DLG2: variants seen among roughly 807,000 people sequenced by gnomAD.
DLG2 encodes the protein discs large MAGUK scaffold protein 2.
Under a neutral mutation model 132.5 loss-of-function variants are expected in DLG2, and 45 were observed. The ratio of observed to expected loss-of-function variants is 0.34; its 90% CI spans 0.27 to 0.44. The LOEUF is 0.44. Among genes scored for constraint, DLG2 ranks in the 20% least tolerant of loss-of-function variants. The pLI, the probability that DLG2 is intolerant of heterozygous loss-of-function variation, is 1.00. For missense variants in DLG2, 1,045 were observed against 1,196.9 expected (o/e 0.87, Z 1.87); for synonymous variants, 424 against 419.6 (o/e 1.01, Z -0.13).
At chr11:85,559,825 TAGATAGA>T (rs1417557106) in intron 3 of DLG2, among the ~76,000 whole-genome samples, 7 of 121,528 alleles carry the variant, frequency 5.8e-5, no homozygotes, top group Non-Finnish European at 1.3e-4. Context: ...GATTGATAGA[TAGATAGA>T]TAGATAGATA....
At chr11:84,595,003 C>A (rs1380762054) in intron 6 of DLG2, among the ~76,000 whole-genome samples, 3 of 152,192 alleles carry the variant, frequency 2.0e-5, no homozygotes, top group Non-Finnish European at 4.4e-5. Flanking sequence ...ACCTTTCATG[C>A]AAAAAGTAGA....
At chr11:83,808,807 C>A (rs2046551670) in intron 17 of DLG2, among the ~76,000 whole-genome samples, 1 of 152,062 alleles carries the variant, frequency 6.6e-6, no homozygotes, top group Non-Finnish European at 1.5e-5. Context: ...AAGGTGTGGT[C>A]CCTTGATTCT....
At chr11:85,095,959 A>G (rs922209396) in intron 6 of DLG2, among the ~76,000 whole-genome samples, 2 of 152,226 alleles carry the variant, frequency 1.3e-5, no homozygotes, top group Non-Finnish European at 2.9e-5. Context: ...GGGGACTTGG[A>G]GAACCTTCGT....
chr11:85,210,975 C>G (rs1388659209), intron 4 of DLG2, among the ~76,000 whole-genome samples: 1 of 151,894 alleles, frequency 6.6e-6, no homozygotes, highest in Non-Finnish European at 1.5e-5. Flanking sequence ...ATTCTTATAC[C>G]ATCTAATTCT....
chr11:85,552,219 CACA>C (rs2076706644), intron 3 of DLG2, among the ~76,000 whole-genome samples: 2 of 151,370 alleles, frequency 1.3e-5, no homozygotes, highest in South Asian at 2.1e-4. Flanking sequence ...ACTCCAATCT[CACA>C]ACGAGTGGTG....
intron 6 of DLG2, among the ~76,000 whole-genome samples, chr11:85,044,712 A>G (rs961335416): frequency 6.6e-6 from 1 of 152,044 alleles, no homozygotes; most frequent in Non-Finnish European, 1.5e-5. Flanking sequence ...GACACAACGT[A>G]ATCTGTGTAA....
At chr11:84,326,588 T>C (rs2098434353) in intron 7 of DLG2, among the ~76,000 whole-genome samples, 1 of 152,220 alleles carries the variant, frequency 6.6e-6, no homozygotes, top group Non-Finnish European at 1.5e-5. Context: ...GAAAATATAT[T>C]TGGCATGATT....
intron 3 of DLG2, among the ~76,000 whole-genome samples, chr11:85,484,663 C>T (rs1177821565): frequency 5.9e-5 from 9 of 152,162 alleles, no homozygotes; most frequent in South Asian, 2.1e-4. Context: ...TACCACCTCA[C>T]GCCAGTTAGA....
intron 6 of DLG2, among the ~76,000 whole-genome samples, chr11:84,846,218 A>G (rs1004514845): frequency 6.6e-6 from 1 of 152,010 alleles, no homozygotes; most frequent in Non-Finnish European, 1.5e-5. Context: ...GTTTCTATAT[A>G]TATCTACTTT....
chr11:83,623,138 T>C (rs549982192), intron 19 of DLG2, among the ~76,000 whole-genome samples: 2 of 152,334 alleles, frequency 1.3e-5, no homozygotes, highest in South Asian at 2.1e-4. Context: ...AGTCTTCTTG[T>C]TGAATTGAAC....
intron 18 of DLG2, among the ~76,000 whole-genome samples, chr11:83,737,813 T>C (rs780756607): frequency 5.9e-5 from 9 of 152,074 alleles, no homozygotes; most frequent in Non-Finnish European, 1.5e-5. Context: ...ATTAGCTGAG[T>C]GTGGTGGTGG....
rs72955622 is a variant in DLG2, at chr11:84,229,789, C to T, written c.573+21449G>A. On this transcript the variant is annotated intron_variant, in intron 8 of 27. Coordinates refer to ENST00000376104, the MANE Select transcript of DLG2 (RefSeq NM_001142699.3). ...TTTCTTGTATCATTTTTTAAATCATCAAATGAGGATAAGATCAATATCTAA... is the reference window on the plus strand; with the variant it reads ...TTTCTTGTATCATTTTTTAAATCATTAAATGAGGATAAGATCAATATCTAA... Among the ~76,000 whole-genome samples the T allele has an allele frequency of 5.7e-3, 869 of 152,242 alleles. 4 individuals are homozygous for T. The highest frequency in any genetic ancestry group is 0.01 in the Non-Finnish European group (710 of 68,014).
intron 11 of DLG2, among the ~76,000 whole-genome samples, chr11:84,019,458 G>T (rs1223380882): frequency 6.6e-6 from 1 of 152,138 alleles, no homozygotes. Flanking sequence ...AATTTTGAAT[G>T]TTTCCCTGGT....
At chr11:84,680,837 A>T (rs2099727430) in intron 6 of DLG2, among the ~76,000 whole-genome samples, 1 of 152,190 alleles carries the variant, frequency 6.6e-6, no homozygotes, top group African/African-American at 2.4e-5. Context: ...TTTATACATA[A>T]TTCTTAGTTA....
At chr11:83,672,415 G>C (rs1291057048) in intron 18 of DLG2, among the ~76,000 whole-genome samples, 2 of 152,144 alleles carry the variant, frequency 1.3e-5, no homozygotes, top group Non-Finnish European at 2.9e-5. Context: ...GACCTCAGGT[G>C]ATCCGCCCAC....
intron 19 of DLG2, among the ~76,000 whole-genome samples, chr11:83,542,987 G>C (rs2096124344): frequency 6.6e-6 from 1 of 152,088 alleles, no homozygotes; most frequent in Non-Finnish European, 1.5e-5. Context: ...TTTCCACACT[G>C]AGGACCAAGT....
chr11:84,140,433 T>C (rs190024440), intron 9 of DLG2, among the ~76,000 whole-genome samples: 4 of 152,272 alleles, frequency 2.6e-5, no homozygotes, highest in Admixed American at 2.6e-4. Context: ...CAACTAAGCA[T>C]CTCATTGATT....
chr11:84,667,278 A>C (rs1248972677), intron 6 of DLG2, among the ~76,000 whole-genome samples: 1 of 152,128 alleles, frequency 6.6e-6, no homozygotes, highest in South Asian at 2.1e-4. Flanking sequence ...AAGCTAATGC[A>C]TGTCTTGTGA....
intron 7 of DLG2, among the ~76,000 whole-genome samples, chr11:84,433,317 T>C (rs78293163): frequency 0.027 from 4,161 of 152,312 alleles, 93 homozygotes; most frequent in Middle Eastern, 0.054. Context: ...TATTACTACG[T>C]AACCAGAAAT....
Sources: allele counts gnomAD v4.1 joint callset (sites outside exome capture counted in the v4.1 genomes callset), GRCh38; gene constraint gnomAD v4.1.1; transcripts MANE v1.5; gene names NCBI Gene and HGNC (gene_info 2026-07-23, HGNC 2026-07-21).